The following BAZ2B variants were observed in gnomAD, a reference collection of about 807,000 sequenced individuals.
BAZ2B encodes bromodomain adjacent to zinc finger domain 2B, also known as bromodomain adjacent to zinc finger domain protein 2B.
In BAZ2B, 91 loss-of-function variants were observed where a neutral mutation model predicts 246.0. The ratio of observed to expected loss-of-function variants is 0.37; its 90% CI spans 0.31 to 0.44. The LOEUF is 0.44. Ranked by LOEUF, BAZ2B falls within the 20% of genes least tolerant of loss-of-function variation. BAZ2B has a pLI of 1.00. For synonymous variants in BAZ2B, 855 were observed against 860.0 expected, an observed-to-expected ratio of 0.99 and a Z score of 0.10; for missense variants, 2,332 against 2,533.7, an observed-to-expected ratio of 0.92 and a Z score of 1.71.
chr2:159,645,663 G>A, the BAZ2B span, among the ~76,000 whole-genome samples: 3 of 152,022 alleles, frequency 2.0e-5, no homozygotes, highest in African/African-American at 4.8e-5. Flanking sequence ...CGATAGTCAC[G>A]TAGGTTCTTT....
chr2:159,663,717 C>T, the BAZ2B span, among the ~76,000 whole-genome samples: 1 of 151,828 alleles, frequency 6.6e-6, no homozygotes, highest in African/African-American at 2.4e-5. Context: ...CGGGGTTTCA[C>T]TATGTTGGCC....
intron 11 of BAZ2B, 98 bp from the exon 12 acceptor site, chr2:159,428,517 TA>T (rs1455083899): frequency 1.2e-6 from 1 of 831,908 alleles, no homozygotes; most frequent in Non-Finnish European, 1.8e-6. Context: ...CTAGAAAACA[TA>T]AAAAATGAAA....
At chr2:159,485,297 G>C (rs184449207) in intron 2 of BAZ2B, among the ~76,000 whole-genome samples, 1 of 152,004 alleles carries the variant, frequency 6.6e-6, no homozygotes, top group Non-Finnish European at 1.5e-5. Flanking sequence ...TCAGAAATAG[G>C]GGATGTGGCC....
At chr2:159,406,803 G>A (rs2066004440) in intron 14 of BAZ2B, among the ~76,000 whole-genome samples, 1 of 151,750 alleles carries the variant, frequency 6.6e-6, no homozygotes, top group African/African-American at 2.4e-5. Context: ...TTCCCAGGCT[G>A]GAGTGCAGTG....
At chr2:159,446,689 G>T in intron 6 of BAZ2B, 93 bp downstream of exon 6, 1 of 1,246,130 alleles carries the variant, frequency 8.0e-7, no homozygotes, top group Non-Finnish European at 1.1e-6. Flanking sequence ...TAATTCATAA[G>T]AAATTAAACC....
At chr2:159,524,901 G>A (rs142066909) in intron 2 of BAZ2B, among the ~76,000 whole-genome samples, 39 of 151,996 alleles carry the variant, frequency 2.6e-4, no homozygotes, top group East Asian at 1.7e-3. Context: ...TCTATTTATC[G>A]TCTTGGAAGA....
At chr2:159,648,016 T>A in the BAZ2B span, among the ~76,000 whole-genome samples, 1 of 152,208 alleles carries the variant, frequency 6.6e-6, no homozygotes, top group Non-Finnish European at 1.5e-5. Flanking sequence ...AATGCATAAT[T>A]AGATCATTTT....
chr2:159,445,972 G>A lies in BAZ2B; in HGVS notation c.696+810C>T, dbSNP rs141610388. ...CTGCAAAAAATGTAAAAATTACCTC[G>A]GTGTGGTAGCATGCACCTGTAGTCC... On this transcript the variant is annotated intron_variant, in intron 6 of 36. Transcript: ENST00000392783. Among the ~76,000 whole-genome samples the A allele has an allele frequency of 2.4e-3, 366 of 152,124 alleles. 1 individual carries two copies. Among genetic ancestry groups the A allele is most frequent in the African/African-American group, 8.1e-3 (338 of 41,504 alleles).
intron 9 of BAZ2B, among the ~76,000 whole-genome samples, chr2:159,432,006 C>T (rs2071212898): frequency 4.0e-5 from 6 of 151,886 alleles, no homozygotes. Flanking sequence ...GTGGTTTTAC[C>T]CTGAGCACGA....
chr2:159,570,693 C>A (rs1375641564), intron 1 of BAZ2B, among the ~76,000 whole-genome samples: 2 of 152,148 alleles, frequency 1.3e-5, no homozygotes, highest in Non-Finnish European at 2.9e-5. Context: ...CAAAAAGCAA[C>A]CTTCTCCAGA....
chr2:159,601,582 G>A (rs2151762747), intron 1 of BAZ2B, among the ~76,000 whole-genome samples: 1 of 152,230 alleles, frequency 6.6e-6, no homozygotes, highest in East Asian at 1.9e-4. Flanking sequence ...TTAGGCAGGT[G>A]TGATGGCAGG....
the BAZ2B span, among the ~76,000 whole-genome samples, chr2:159,630,880 C>T: frequency 6.6e-6 from 1 of 152,138 alleles, no homozygotes; most frequent in Non-Finnish European, 1.5e-5. Context: ...TATTGTAACA[C>T]TGTTGCAAGC....
intron 1 of BAZ2B, among the ~76,000 whole-genome samples, chr2:159,590,220 A>C (rs1407906763): frequency 9.5e-5 from 9 of 94,552 alleles, no homozygotes; most frequent in Admixed American, 2.2e-4. Context: ...AAAAAAAAAA[A>C]AAAAAAAAAA....
At chr2:159,330,443 T>C (rs549202255) in intron 34 of BAZ2B, among the ~76,000 whole-genome samples, 1 of 152,286 alleles carries the variant, frequency 6.6e-6, no homozygotes, top group African/African-American at 2.4e-5. Context: ...TTCAGTTCTA[T>C]CAAATGTAAT....
At chr2:159,496,071 A>T (rs1307816308) in intron 2 of BAZ2B, among the ~76,000 whole-genome samples, 1 of 149,382 alleles carries the variant, frequency 6.7e-6, no homozygotes, top group Non-Finnish European at 1.5e-5. Context: ...GCCCAGCCAG[A>T]AGAAATACTT....
intron 1 of BAZ2B, among the ~76,000 whole-genome samples, chr2:159,614,122 G>A (rs1695321888): frequency 6.6e-6 from 1 of 152,128 alleles, no homozygotes; most frequent in Non-Finnish European, 1.5e-5. Context: ...AATGACTACA[G>A]GAGACAGAAT....
intron 14 of BAZ2B, chr2:159,411,848 A>C: frequency 1.3e-5 from 8 of 619,946 alleles, no homozygotes; most frequent in Non-Finnish European, 1.6e-5. Context: ...TATTCTGAAA[A>C]TATATATACT....
intron 8 of BAZ2B, chr2:159,434,661 C>G (rs1343064208): frequency 1.3e-5 from 2 of 151,950 alleles, no homozygotes; most frequent in African/African-American, 4.8e-5. Context: ...GATATGTACT[C>G]AAAAAACAAT....
intron 1 of BAZ2B, among the ~76,000 whole-genome samples, chr2:159,562,270 C>T (rs912477982): frequency 6.6e-6 from 1 of 152,120 alleles, no homozygotes; most frequent in South Asian, 2.1e-4. Context: ...TAACAAAAGC[C>T]TTATTACATG....
Sources: gnomAD v4.1 joint callset for allele counts (sites outside exome capture counted in the v4.1 genomes callset) on GRCh38, gnomAD v4.1.1 for gene constraint, MANE v1.5 for transcripts, NCBI Gene and HGNC (gene_info 2026-07-23, HGNC 2026-07-21) for gene names.